MED12L: variants seen among roughly 807,000 people sequenced by gnomAD.
The protein encoded by MED12L is mediator of RNA polymerase II transcription subunit 12-like protein.
A neutral mutation model predicts 281.3 loss-of-function variants in MED12L; 60 were observed. That is an observed-to-expected ratio of 0.21 (90% CI 0.17 to 0.26). The LOEUF is 0.26. Among genes scored for constraint, MED12L ranks in the 10% least tolerant of loss-of-function variants. The pLI is 1.00. For missense variants in MED12L, 2,146 were observed against 2,680.9 expected, an observed-to-expected ratio of 0.80 and a Z score of 4.41; for synonymous variants, 974 against 987.2, an observed-to-expected ratio of 0.99 and a Z score of 0.25.
chr3:151,361,141 A>G (rs1019646241), intron 21 of MED12L, among the ~76,000 whole-genome samples: 1 of 152,144 alleles, frequency 6.6e-6, no homozygotes, highest in Non-Finnish European at 1.5e-5. Flanking sequence ...TTTGGGCATT[A>G]CAGTGTTTCA....
rs755768326 is a variant in MED12L, at chr3:151,159,915, C to T, written c.921C>T (p.Ser307=). 78 of 1,614,056 alleles carry T rather than the reference C, an allele frequency of 4.8e-5. No homozygotes were observed. Among genetic ancestry groups the T allele is most frequent in the East Asian group, 6.7e-5 (3 of 44,900 alleles). Residue 307 remains serine (S), a synonymous_variant, in exon 8 of 45, where the codon AGC becomes AGT. Coordinates refer to ENST00000687756, the MANE Select transcript of MED12L (RefSeq NM_001393769.1). ...CCCGGCGTCTTTCCTTGCTGCTGAGCGATAGCCCCAACCTCCTTGCTGCCC... is the reference window on the plus strand; with the variant it reads ...CCCGGCGTCTTTCCTTGCTGCTGAGTGATAGCCCCAACCTCCTTGCTGCCC... ...FCARRLSLLL[S]DSPNLLAAHS... is the part of the protein sequence containing the mutation.
At chr3:151,393,220 T>TCCG (rs1340201222) in intron 38 of MED12L, among the ~76,000 whole-genome samples, 1 of 152,098 alleles carries the variant, frequency 6.6e-6, no homozygotes, top group Non-Finnish European at 1.5e-5. Context: ...TTTGGGGGCT[T>TCCG]CCGTATTTAA....
intron 27 of MED12L, 58 bp downstream of exon 27, chr3:151,372,824 C>A: frequency 7.4e-7 from 1 of 1,352,888 alleles, no homozygotes; most frequent in Non-Finnish European, 1.0e-6. Flanking sequence ...TTGGAGAGAG[C>A]TACTTACACT....
At chr3:151,132,011 C>T (rs984995017) in intron 5 of MED12L, among the ~76,000 whole-genome samples, 1 of 152,074 alleles carries the variant, frequency 6.6e-6, no homozygotes, top group Non-Finnish European at 1.5e-5. Context: ...CAGTATATTG[C>T]AGTTCATGGG....
chr3:151,282,003 AC>A (rs1430536794), intron 16 of MED12L, among the ~76,000 whole-genome samples: 1 of 152,046 alleles, frequency 6.6e-6, no homozygotes, highest in Non-Finnish European at 1.5e-5. Context: ...TTTGCTCCTT[AC>A]CCCGGAATTC....
intron 11 of MED12L, among the ~76,000 whole-genome samples, chr3:151,172,840 C>T (rs1560118803): frequency 6.6e-6 from 1 of 152,202 alleles, no homozygotes; most frequent in African/African-American, 2.4e-5. Context: ...TATTGTGCTT[C>T]AGAAGCTAAC....
At chr3:151,375,752 T>A (rs1429156232) in intron 27 of MED12L, among the ~76,000 whole-genome samples, 1 of 152,146 alleles carries the variant, frequency 6.6e-6, no homozygotes, top group African/African-American at 2.4e-5. Flanking sequence ...GACCTTACTT[T>A]CCAGTTAAAA....
chr3:151,192,719 C>T (rs796363148), intron 15 of MED12L, 65 bp downstream of exon 15: 44 of 991,118 alleles, frequency 4.4e-5, no homozygotes, highest in African/African-American at 4.3e-4. Flanking sequence ...CAGCCTGTCT[C>T]GATCCTTCTG....
intron 39 of MED12L, among the ~76,000 whole-genome samples, chr3:151,405,924 A>C (rs1716246537): frequency 6.6e-6 from 1 of 152,218 alleles, no homozygotes; most frequent in Non-Finnish European, 1.5e-5. Context: ...CATAAATCCT[A>C]ATTTGCCTCT....
intron 5 of MED12L, among the ~76,000 whole-genome samples, chr3:151,134,000 T>C (rs1256983972): frequency 1.3e-5 from 2 of 152,356 alleles, no homozygotes; most frequent in East Asian, 1.9e-4. Flanking sequence ...TTATTGCTGT[T>C]ATTGCTGTCA....
intron 16 of MED12L, chr3:151,269,962 T>C: frequency 2.6e-6 from 1 of 384,466 alleles, no homozygotes; most frequent in Non-Finnish European, 5.0e-6. Flanking sequence ...CTTGGACAAA[T>C]CCATTACAGT....
intron 16 of MED12L, among the ~76,000 whole-genome samples, chr3:151,200,374 TA>T (rs1316717799): frequency 1.3e-5 from 2 of 152,224 alleles, no homozygotes; most frequent in Non-Finnish European, 2.9e-5. Context: ...TTTTGCACAT[TA>T]AACAGTGTTC....
intron 20 of MED12L, 53 bp downstream of exon 20, chr3:151,357,429 G>C: frequency 6.8e-7 from 1 of 1,467,944 alleles, no homozygotes; most frequent in Non-Finnish European, 9.2e-7. Context: ...TGTATAACTA[G>C]TGATGAAATA....
Position 151,190,827 on chromosome 3 carries a change from A to G in MED12L, c.1864A>G (p.Ile622Val). The stretch of plus-strand genomic sequence containing the variant: ...CCATGACGCATACATGTGTACCCTC[A>G]TATCTCGAGGAGATTTGTCAGTCAC... ...FSHDAYMCTL[I>V]SRGDLSVTAS... Residue 622 changes from isoleucine to valine, a missense_variant, in exon 14 of 45, where the codon ATA (isoleucine) becomes GTA (valine). Physicochemically the swap from Ile to Val is conservative, Grantham distance 29 (BLOSUM62 3). Transcript: ENST00000687756. 2.5e-6 allele frequency: 4 copies of G among 1,614,116 alleles called. No individual in the cohort carries two copies. The highest frequency in any genetic ancestry group is 2.2e-5 in the South Asian group (2 of 91,076).
intron 11 of MED12L, among the ~76,000 whole-genome samples, chr3:151,184,723 T>C (rs1723070037): frequency 6.6e-6 from 1 of 152,188 alleles, no homozygotes; most frequent in Non-Finnish European, 1.5e-5. Context: ...CCGGCTGCTG[T>C]CCTTGGTTGA....
intron 17 of MED12L, among the ~76,000 whole-genome samples, chr3:151,354,855 A>G (rs35786948): frequency 0.32 from 48,088 of 152,006 alleles, 7,672 homozygotes; most frequent in African/African-American, 0.34. Flanking sequence ...ATAAAGTTCC[A>G]GTGTAGGCAA....
intron 20 of MED12L, among the ~76,000 whole-genome samples, chr3:151,359,610 T>C (rs1754359430): frequency 6.6e-6 from 1 of 152,172 alleles, no homozygotes; most frequent in South Asian, 2.1e-4. Flanking sequence ...GAACTAGCTC[T>C]TTGCCTTTGA....
At chr3:151,288,319 C>T (rs907318103) in intron 16 of MED12L, among the ~76,000 whole-genome samples, 1 of 152,142 alleles carries the variant, frequency 6.6e-6, no homozygotes, top group African/African-American at 2.4e-5. Flanking sequence ...AATATCTGAG[C>T]CTATAATTTA....
chr3:151,154,186 C>T (rs565757377), intron 5 of MED12L, among the ~76,000 whole-genome samples: 5 of 152,242 alleles, frequency 3.3e-5, no homozygotes, highest in South Asian at 4.1e-4. Flanking sequence ...CGCATCCACT[C>T]GACTGTCTTA....
Sources: allele counts gnomAD v4.1 joint callset (sites outside exome capture counted in the v4.1 genomes callset), GRCh38; gene constraint gnomAD v4.1.1; transcripts MANE v1.5; gene names NCBI Gene and HGNC (gene_info 2026-07-23, HGNC 2026-07-21).